The following SNURF variants were observed in gnomAD, a reference collection of about 807,000 sequenced individuals.
SNURF encodes SNURF protein.
SNURF carries 6 observed loss-of-function variants against 11.6 expected under a neutral mutation model. That is an observed-to-expected ratio of 0.52 (90% CI 0.28 to 1.02). The LOEUF is 1.02. SNURF is among the 50% of genes least tolerant of loss of function. The pLI is 0.09. For missense variants in SNURF, 84 were observed against 88.4 expected (o/e 0.95, Z 0.20); for synonymous variants, 29 against 31.6 (o/e 0.92, Z 0.27).
At chr15:24,977,989 C>G (rs2077260006), downstream of SNURF, 1 of 1,403,366 alleles carries the variant, frequency 7.1e-7, no homozygotes, top group East Asian at 2.3e-5. Flanking sequence ...AAGACACAGC[C>G]TGAGAGCCTA....
downstream of SNURF, chr15:24,978,028 T>C: frequency 8.1e-7 from 1 of 1,230,130 alleles, no homozygotes; most frequent in Non-Finnish European, 1.1e-6. Context: ...TTCCTTCTTC[T>C]AGATACTGGT....
chr15:24,977,088 A>T (rs1315143213), intron 6 of SNURF: 3 of 1,412,650 alleles, frequency 2.1e-6, no homozygotes, highest in Non-Finnish European at 2.8e-6. Flanking sequence ...CCGGAGGCCG[A>T]GGAGATTTAA....
intron 5 of SNURF, chr15:24,976,430 A>T: frequency 1.3e-6 from 2 of 1,533,266 alleles, no homozygotes; most frequent in Middle Eastern, 1.7e-4. Flanking sequence ...AGGAAGATGT[A>T]GGGCAGGACA....
chr15:24,973,699 C>T (rs535288953), downstream of SNURF, among the ~76,000 whole-genome samples: 20 of 152,268 alleles, frequency 1.3e-4, no homozygotes, highest in East Asian at 2.5e-3. Flanking sequence ...CTCACCCGGC[C>T]GTTAACGTGA....
intron 4 of SNURF, chr15:24,975,567 A>G: frequency 2.1e-6 from 3 of 1,437,630 alleles, no homozygotes; most frequent in Non-Finnish European, 2.9e-6. Flanking sequence ...AGGGAAGGCC[A>G]GAGCTGGAGT....
exon 7 of SNURF, chr15:24,977,822 T>C (rs1378217455): frequency 6.2e-7 from 1 of 1,613,086 alleles, no homozygotes; most frequent in African/African-American, 1.3e-5. Flanking sequence ...CTGCTGCTGT[T>C]GCTGCGACTG....
At chr15:24,977,311 T>C (rs2077171456) in intron 6 of SNURF, among the ~76,000 whole-genome samples, 1 of 152,094 alleles carries the variant, frequency 6.6e-6, no homozygotes, top group Non-Finnish European at 1.5e-5. Flanking sequence ...ACCAAAGGGC[T>C]TTTTGGATGT....
intron 2 of SNURF, chr15:24,966,961 T>C (rs1035301352): frequency 2.0e-5 from 3 of 152,160 alleles, no homozygotes; most frequent in African/African-American, 4.8e-5. Context: ...AATTCCCTGC[T>C]TACCAGTAGA....
chr15:24,973,911 A>T (rs1469526330), intron 3 of SNURF, among the ~76,000 whole-genome samples: 1 of 152,198 alleles, frequency 6.6e-6, no homozygotes, highest in African/African-American at 2.4e-5. Context: ...AAATGACAAC[A>T]TAGGTATTTC....
At chr15:24,955,163 C>T (rs528860907) in intron 1 of SNURF, 101 bp downstream of exon 1, 7 of 1,504,640 alleles carry the variant, frequency 4.7e-6, no homozygotes, top group South Asian at 2.4e-5. Flanking sequence ...ACTGAATAAA[C>T]GGAATTTGGG....
downstream of SNURF, among the ~76,000 whole-genome samples, chr15:24,969,498 C>G (rs1018829519): frequency 6.6e-6 from 1 of 152,170 alleles, no homozygotes; most frequent in Non-Finnish European, 1.5e-5. Flanking sequence ...CCTTTATACA[C>G]AACATTTTCT....
At chr15:24,978,614 G>C, downstream of SNURF, 1 of 663,498 alleles carries the variant, frequency 1.5e-6, no homozygotes, top group South Asian at 1.8e-5. Context: ...TTTGCCTGTT[G>C]ATTTTGATGA....
At chr15:24,954,998 C>A in exon 1 of SNURF, 1 of 1,610,100 alleles carries the variant, frequency 6.2e-7, no homozygotes, top group Non-Finnish European at 8.5e-7. Context: ...CAGAGTGGAG[C>A]GGCCGCCGGA....
At chr15:24,978,333 A>G (rs1397036118), downstream of SNURF, 2 of 1,613,972 alleles carry the variant, frequency 1.2e-6, no homozygotes, top group South Asian at 1.1e-5. Context: ...GTGGGAGCAT[A>G]GGGGTTTGAT....
chr15:24,976,446 T>A (rs2077066156), intron 5 of SNURF: 1 of 1,429,822 alleles, frequency 7.0e-7, no homozygotes, highest in South Asian at 1.2e-5. Flanking sequence ...GGACAGAACT[T>A]TAATTTGCAG....
At chr15:24,958,149 C>T (rs1256329303) in intron 1 of SNURF, among the ~76,000 whole-genome samples, 1 of 152,136 alleles carries the variant, frequency 6.6e-6, no homozygotes, top group East Asian at 1.9e-4. Context: ...TTTATAGTTA[C>T]TCTGTATCTT....
rs1159251123 is a variant in SNURF at position 24,955,646 on chromosome 15, G to GTCGGTGTGA, written c.14+584_14+585insTCGGTGTGA. ...CAGTGACCGAGGCGAGGAGGCTATG[G>GTCGGTGTGA]CAGTGGACCAGGGGGATGAGTCGGT... is the stretch of plus-strand genomic sequence containing the variant. On this transcript the variant is annotated intron_variant, in intron 1 of 2. Transcript: ENST00000577949. 4.1e-3 allele frequency among the ~76,000 whole-genome samples: 610 copies of GTCGGTGTGA among 147,686 alleles called. 4 individuals carry two copies. Among genetic ancestry groups the GTCGGTGTGA allele is most frequent in the African/African-American group, 0.014 (574 of 39,744 alleles).
intron 1 of SNURF, among the ~76,000 whole-genome samples, chr15:24,960,908 T>A (rs542042283): frequency 6.6e-6 from 1 of 152,332 alleles, no homozygotes; most frequent in South Asian, 2.1e-4. Context: ...GGCATAAATG[T>A]GTCTGTCACC....
At chr15:24,962,055 A>G (rs977885182) in intron 1 of SNURF, 59 bp from the exon 2 acceptor site, 5 of 1,338,468 alleles carry the variant, frequency 3.7e-6, no homozygotes, top group Non-Finnish European at 5.4e-6. Context: ...ACCTTGACAA[A>G]TAGTTATTTC....
Sources: allele counts gnomAD v4.1 joint callset (sites outside exome capture counted in the v4.1 genomes callset), GRCh38; gene constraint gnomAD v4.1.1; transcripts MANE v1.5; gene names NCBI Gene and HGNC (gene_info 2026-07-23, HGNC 2026-07-21).